The following GGN variants were observed in gnomAD, a reference collection of about 807,000 sequenced individuals.
GGN encodes the protein gametogenetin.
In GGN, 27 loss-of-function variants were observed where a neutral mutation model predicts 35.5. The observed-to-expected ratio is 0.76, with a 90% CI of 0.56 to 1.05. The LOEUF is 1.05. Ranked by LOEUF, GGN falls within the 50% of genes least tolerant of loss-of-function variation. The pLI is 0.00. For missense variants in GGN, 1,006 were observed against 940.7 expected, an observed-to-expected ratio of 1.07 and a Z score of -0.91; for synonymous variants, 425 against 444.1, an observed-to-expected ratio of 0.96 and a Z score of 0.54.
Position 38,387,278 on chromosome 19 carries a change from A to C in GGN, c.-17T>G. 6.4e-7 allele frequency: 1 copy of C among 1,562,946 alleles called. No homozygotes were observed. Among genetic ancestry groups the C allele is most frequent in the East Asian group, 2.4e-5 (1 of 42,272 alleles). On this transcript the variant is annotated splice_region_variant and 5_prime_UTR_variant, in exon 3 of 4. Transcript: ENST00000334928. The surrounding 1 kb of genome is among the most constrained non-coding windows in gnomAD (Gnocchi z 5.3). The stretch of plus-strand genomic sequence containing the variant: ...GTTCCCCATTTCTGACGGAGCTCGG[A>C]GACTAGTCAGAAAAATTTACTCCAG...
Position 38,387,207 on chromosome 19 carries a change from G to C in GGN, c.55C>G (p.Pro19Ala). 1 of 1,596,062 alleles carries C rather than the reference G, an allele frequency of 6.3e-7. No individual in the cohort carries two copies. Among genetic ancestry groups the C allele is most frequent in the Non-Finnish European group, 8.5e-7 (1 of 1,172,112 alleles). The change falls in exon 3 of 4, where the codon CCC (proline) becomes GCC (alanine). Residue 19 changes from proline (P) to alanine (A), a missense_variant. By Grantham distance (27) the Pro-to-Ala change is conservative (BLOSUM62 -1). Transcript: ENST00000334928. The surrounding 1 kb of genome is among the most constrained non-coding windows in gnomAD (Gnocchi z 5.3). ...SAGGGSRKVQ[P>A]SDRAPDSRRT... ...CGGGAGTCGGGGGCGCGGTCCGAGGGCTGCACTTTTCGGGAGCCCCCGCCC... is the reference window on the plus strand; with the variant it reads ...CGGGAGTCGGGGGCGCGGTCCGAGGCCTGCACTTTTCGGGAGCCCCCGCCC...
chr19:38,388,073 C>G (rs1291889489), upstream of GGN: 1 of 159,574 alleles, frequency 6.3e-6, no homozygotes, highest in Admixed American at 6.5e-5. Flanking sequence ...TAGCCCCTCC[C>G]CTTTAGAATG....
chr19:38,385,598 G>A lies in GGN; in HGVS notation c.1664C>T (p.Thr555Ile). 6.2e-7 allele frequency: 1 copy of A among 1,614,176 alleles called. No homozygotes were observed. The highest frequency in any genetic ancestry group is 8.5e-7 in the Non-Finnish European group (1 of 1,180,022). ...GDGPRERATA[T>I]VPDSSGGGGG... The stretch of plus-strand genomic sequence containing the variant: ...CCCTCCACCACTGCTGTCAGGCACG[G>A]TAGCTGTAGCTCGTTCGCGAGGACC... Residue 555 changes from threonine (T) to isoleucine (I), a missense_variant, in exon 3 of 4, where the codon ACC (threonine) becomes ATC (isoleucine). Thr to Ile is a moderately conservative substitution (Grantham distance 89). Transcript: ENST00000334928.
Position 38,384,439 on chromosome 19 carries a change from G to C in GGN, c.1932C>G (p.Tyr644Ter). 6.2e-7 allele frequency: 1 copy of C among 1,613,916 alleles called. No individual in the cohort carries two copies. The highest frequency in any genetic ancestry group is 8.5e-7 in the Non-Finnish European group (1 of 1,179,858). The part of the protein sequence containing the change: ...SGSLVAKLEH[Y>*]DLQATHSN Reference sequence around the variant, plus strand: ...AGTTGGAATGGGTGGCCTGCAAGTCGTAGTGCTCCAGCTTGGCCACCAGAG... The same window carrying C: ...AGTTGGAATGGGTGGCCTGCAAGTCCTAGTGCTCCAGCTTGGCCACCAGAG... Residue 644 changes from tyrosine to a stop codon, truncating the protein, a stop_gained, in exon 4 of 4, where the codon TAC becomes TAG. Coordinates refer to ENST00000334928, the MANE Select transcript of GGN (RefSeq NM_152657.4). LOFTEE classifies it high-confidence loss of function.
Position 38,385,923 on chromosome 19 carries a change from G to A in GGN, c.1339C>T (p.Pro447Ser). The change falls in exon 3 of 4, where the codon CCC (proline) becomes TCC (serine). Residue 447 changes from proline (P) to serine (S), a missense_variant. Coordinates refer to ENST00000334928, the MANE Select transcript of GGN (RefSeq NM_152657.4). The stretch of plus-strand genomic sequence containing the variant: ...TGGAGCGCTGGTGGCTGCAGTGTGG[G>A]CGGCGGTGTGGGCGGTGGCAGCGGT... ...LPPLPPPTPP[P>S]TLQPPALQPT... The A allele has an allele frequency of 6.3e-7, 1 of 1,575,440 alleles. No homozygotes were observed. The highest frequency in any genetic ancestry group is 1.2e-5 in the South Asian group (1 of 86,646).
upstream of GGN, chr19:38,388,212 C>A (rs1970766449): frequency 3.4e-6 from 1 of 296,340 alleles, no homozygotes; most frequent in Non-Finnish European, 6.2e-6. Flanking sequence ...TTTTAAGACC[C>A]GGCAACATCG....
chr19:38,385,688 G>C lies in GGN; in HGVS notation c.1574C>G (p.Thr525Arg). ...TGCACGGGAACCCTTGTTCCTGCGC[G>C]TGCGGGTCTTGATGGGCGCAGCCGC... is the stretch of plus-strand genomic sequence containing the variant. The part of the protein sequence containing the change: ...APAAAPIKTR[T>R]RRNKGSRAAR... Residue 525 changes from threonine to arginine, a missense_variant, in exon 3 of 4, where the codon ACG becomes AGG. By Grantham distance (71) the Thr-to-Arg change is moderately conservative. Transcript: ENST00000334928. 2 of 1,613,388 alleles carry C rather than the reference G, an allele frequency of 1.2e-6. No homozygotes were observed. The highest frequency in any genetic ancestry group is 1.3e-5 in the African/African-American group (1 of 75,060).
In GGN at chr19:38,386,058, C is replaced by T. The variant is rs558280236; in HGVS notation, c.1204G>A (p.Gly402Arg). ...PPPEQIHSAP[G>R]PRRPAPALLA... ...AGGGCAGGTGCGGGCCTCCGGGGCCCGGGAGCTGAGTGTATCTGCTCTGGT... is the reference window on the plus strand; with the variant it reads ...AGGGCAGGTGCGGGCCTCCGGGGCCTGGGAGCTGAGTGTATCTGCTCTGGT... The change falls in exon 3 of 4, where the codon GGG (glycine) becomes AGG (arginine). Residue 402 changes from glycine (G) to arginine (R), a missense_variant. Physicochemically the swap from Gly to Arg is moderately radical, Grantham distance 125. Coordinates refer to ENST00000334928, the MANE Select transcript of GGN (RefSeq NM_152657.4). 3.8e-6 allele frequency: 6 copies of T among 1,592,794 alleles called. No homozygotes were observed. Among genetic ancestry groups the T allele is most frequent in the East Asian group, 2.3e-5 (1 of 44,180 alleles).
chr19:38,387,088 C>T lies in GGN; in HGVS notation c.174G>A (p.Pro58=). ...GGGGCTCCCGGGGTACCATGAGTCC[C>T]GGGGGTGTGGCGCTGCCAGGGAACC... ...GVWFPGSATP[P]GLMVPREPQA... Residue 58 remains proline, a synonymous_variant, in exon 3 of 4, where the codon CCG becomes CCA. Transcript: ENST00000334928. The surrounding 1 kb of genome is among the most constrained non-coding windows in gnomAD (Gnocchi z 5.3). The T allele has an allele frequency of 1.9e-6, 3 of 1,558,938 alleles. No individual in the cohort carries two copies. Among genetic ancestry groups the T allele is most frequent in the Non-Finnish European group, 2.6e-6 (3 of 1,151,300 alleles).
At position 38,387,185 on chromosome 19, in the gene GGN, G is replaced by T. The variant is rs1298010801; in HGVS notation, c.77C>A (p.Ser26Tyr). Residue 26 changes from serine (S) to tyrosine (Y), a missense_variant, in exon 3 of 4, where the codon TCC becomes TAC. Physicochemically the swap from Ser to Tyr is moderately radical, Grantham distance 144. Transcript: ENST00000334928. This position sits in a 1 kb window ranked among gnomAD's most constrained non-coding sequence, Gnocchi z 5.3. ...KVQPSDRAPD[S>Y]RRTSLVEPEM... is the part of the protein sequence containing the mutation. ...GGGCTCCACCAGGGACGTCCGGCGGGAGTCGGGGGCGCGGTCCGAGGGCTG... is the reference window on the plus strand; with the variant it reads ...GGGCTCCACCAGGGACGTCCGGCGGTAGTCGGGGGCGCGGTCCGAGGGCTG... 1 of 1,591,294 alleles carries T rather than the reference G, an allele frequency of 6.3e-7. No homozygotes were observed. Among genetic ancestry groups the T allele is most frequent in the Non-Finnish European group, 8.6e-7 (1 of 1,169,180 alleles).
In GGN at chr19:38,386,169, G is replaced by A. The variant is rs1294862635; in HGVS notation, c.1093C>T (p.Arg365Cys). 6 of 1,595,396 alleles carry A rather than the reference G, an allele frequency of 3.8e-6. No individual in the cohort carries two copies. The highest frequency in any genetic ancestry group is 5.1e-6 in the Non-Finnish European group (6 of 1,175,590). ...SAPDGPERHF[R>C]FNGAGGGIGA... ...ATGCCTCCGCCAGCCCCGTTGAAGCGGAAGTGGCGTTCAGGGCCGTCGGGA... is the reference window on the plus strand; with the variant it reads ...ATGCCTCCGCCAGCCCCGTTGAAGCAGAAGTGGCGTTCAGGGCCGTCGGGA... The change falls in exon 3 of 4, where the codon CGC (arginine) becomes TGC (cysteine). Residue 365 changes from arginine to cysteine, a missense_variant. Physicochemically the swap from Arg to Cys is radical, Grantham distance 180. Coordinates refer to ENST00000334928, the MANE Select transcript of GGN (RefSeq NM_152657.4).
In GGN at chr19:38,384,493, G is replaced by T. The variant is rs1412498657; in HGVS notation, c.1878C>A (p.Pro626=). Reference sequence around the variant, plus strand: ...CGGACAGCTTGATGGTGGCAACCCAGGGTGGCTCGCCCAGGTGGTTGGTGG... The same window carrying T: ...CGGACAGCTTGATGGTGGCAACCCATGGTGGCTCGCCCAGGTGGTTGGTGG... ...STSTNHLGEP[P]WVATIKLSGS... The change falls in exon 4 of 4, where the codon CCC becomes CCA. Residue 626 remains proline, a synonymous_variant. Coordinates refer to ENST00000334928, the MANE Select transcript of GGN (RefSeq NM_152657.4). 6 of 1,613,958 alleles carry T rather than the reference G, an allele frequency of 3.7e-6. No individual in the cohort carries two copies. The highest frequency in any genetic ancestry group is 1.3e-5 in the African/African-American group (1 of 74,924).
intron 3 of GGN, 37 bp from the exon 4 acceptor site, chr19:38,384,566 T>C (rs964629029): frequency 1.0e-5 from 15 of 1,499,410 alleles, no homozygotes; most frequent in Non-Finnish European, 1.3e-5. Context: ...AGCCCAGCAA[T>C]GGGACCAGGC....
Position 38,385,605 on chromosome 19 carries a change from T to C in GGN, c.1657A>G (p.Thr553Ala). ...CCACTGCTGTCAGGCACGGTAGCTGTAGCTCGTTCGCGAGGACCATCTCCA... is the reference window on the plus strand; with the variant it reads ...CCACTGCTGTCAGGCACGGTAGCTGCAGCTCGTTCGCGAGGACCATCTCCA... ...LHGDGPRERA[T>A]ATVPDSSGGG... The change falls in exon 3 of 4, where the codon ACA (threonine) becomes GCA (alanine). Residue 553 changes from threonine (T) to alanine (A), a missense_variant. Thr to Ala is a moderately conservative substitution (Grantham distance 58). Coordinates refer to ENST00000334928, the MANE Select transcript of GGN (RefSeq NM_152657.4). 1 of 1,614,130 alleles carries C rather than the reference T, an allele frequency of 6.2e-7. No homozygotes were observed. Among genetic ancestry groups the C allele is most frequent in the Non-Finnish European group, 8.5e-7 (1 of 1,180,014 alleles).
Position 38,388,023 on chromosome 19 carries a change from C to G in GGN, c.-130G>C, listed in dbSNP as rs1415191379. 1 of 155,124 alleles carries G rather than the reference C, an allele frequency of 6.4e-6. No homozygotes were observed. Among genetic ancestry groups the G allele is most frequent in the African/African-American group, 2.4e-5 (1 of 41,406 alleles). The allele number at this position is 155,124 out of a possible 1,614,324, so 9.6% of individuals were successfully genotyped here. On this transcript the variant is annotated 5_prime_UTR_variant, in exon 1 of 4. Coordinates refer to ENST00000334928, the MANE Select transcript of GGN (RefSeq NM_152657.4). ...CGAGGTCTTGTTCCTCGCCCCCAGG[C>G]CTTCTGGTTCTAAGCTCCACCCCTT...
At position 38,384,544 on chromosome 19, in the gene GGN, TAG is replaced by T. The variant is rs755182284; in HGVS notation, c.1842-17_1842-16del. On this transcript the variant is annotated splice_polypyrimidine_tract_variant and intron_variant, in intron 3 of 3. Coordinates refer to ENST00000334928, the MANE Select transcript of GGN (RefSeq NM_152657.4). ...ATGTGCTCAGCCTAGTGGGGGAGGG[TAG>T]AGTCAGCAAAGCCCAGCAATGGGAC... The T allele has an allele frequency of 2.5e-6, 4 of 1,601,360 alleles. No homozygotes were observed. The highest frequency in any genetic ancestry group is 1.3e-5 in the African/African-American group (1 of 74,512).
chr19:38,385,322 G>T, intron 3 of GGN, 99 bp downstream of exon 3: 3 of 1,503,054 alleles, frequency 2.0e-6, no homozygotes, highest in Non-Finnish European at 2.7e-6. Context: ...CAGAGATGAA[G>T]GCCACGGGTC....
At position 38,386,653 on chromosome 19, in the gene GGN, C is replaced by G; in HGVS notation, c.609G>C (p.Gln203His). The G allele has an allele frequency of 6.2e-7, 1 of 1,612,056 alleles. No homozygotes were observed. The highest frequency in any genetic ancestry group is 2.2e-5 in the East Asian group (1 of 44,818). ...ATPASPPTES[Q>H]AGPRNQGQTA... ...TCTGGCCCTGGTTGCGGGGCCCAGC[C>G]TGGCTTTCTGTCGGGGGTGAGGCGG... The change falls in exon 3 of 4, where the codon CAG becomes CAC. Residue 203 changes from glutamine (Q) to histidine (H), a missense_variant. By Grantham distance (24) the Gln-to-His change is conservative. Coordinates refer to ENST00000334928, the MANE Select transcript of GGN (RefSeq NM_152657.4).
Position 38,388,009 on chromosome 19 carries a change from TC to T in GGN, c.-117del, listed in dbSNP as rs1056565449. 1.9e-5 allele frequency: 3 copies of T among 154,544 alleles called. No individual in the cohort carries two copies. The highest frequency in any genetic ancestry group is 7.3e-5 in the African/African-American group (3 of 41,276). The allele number at this position is 154,544 out of a possible 1,614,324, so 9.6% of individuals were successfully genotyped here. ...CCCTTGAAATACTCCGAGGTCTTGT[TC>T]CTCGCCCCCAGGCCTTCTGGTTCTA... On this transcript the variant is annotated 5_prime_UTR_variant, in exon 1 of 4. Coordinates refer to ENST00000334928, the MANE Select transcript of GGN (RefSeq NM_152657.4).
Sources: allele counts gnomAD v4.1 joint callset, GRCh38; gene constraint gnomAD v4.1.1; non-coding constraint Gnocchi (gnomAD v3.1); transcripts MANE v1.5; gene names NCBI Gene and HGNC (gene_info 2026-07-23, HGNC 2026-07-21).